Variants in SMARCA2 observed in about 807,000 individuals in gnomAD.
SMARCA2 encodes SWI/SNF-related matrix-associated actin-dependent regulator of chromatin subfamily A member 2.
Under a neutral mutation model 199.8 loss-of-function variants are expected in SMARCA2, and 61 were observed. The ratio of observed to expected loss-of-function variants is 0.31; its 90% CI spans 0.25 to 0.38. The LOEUF is 0.38. SMARCA2 is among the 10% of genes least tolerant of loss of function. The pLI, the probability that SMARCA2 is intolerant of heterozygous loss-of-function variation, is 1.00. For synonymous variants in SMARCA2, 935 were observed against 732.0 expected, an observed-to-expected ratio of 1.28 and a Z score of -4.48; for missense variants, 1,344 against 2,012.2, an observed-to-expected ratio of 0.67 and a Z score of 6.35.
intron 25 of SMARCA2, among the ~76,000 whole-genome samples, chr9:2,117,863 G>C (rs145558435): frequency 6.6e-6 from 1 of 152,320 alleles, no homozygotes; most frequent in Non-Finnish European, 1.5e-5. Flanking sequence ...AGGGGGGCTT[G>C]TGTCCTGATG....
At chr9:2,182,092 A>G in intron 30 of SMARCA2, 49 bp from the exon 31 acceptor site, 1 of 1,198,672 alleles carries the variant, frequency 8.3e-7, no homozygotes, top group Non-Finnish European at 1.2e-6. Flanking sequence ...TGATCGCTGA[A>G]TTTTCCTCTC....
rs767728769 is a variant in SMARCA2, at chr9:2,170,374, G to T, written c.4200-45G>T. 2 of 1,613,172 alleles carry T rather than the reference G, an allele frequency of 1.2e-6. No individual in the cohort carries two copies. The highest frequency in any genetic ancestry group is 1.7e-6 in the Non-Finnish European group (2 of 1,179,450). ...GGAAGAAGGAGCCGGGCGGGGACGA[G>T]AACCCAGGTCTTCTGACTCTAGTGT... On this transcript the variant is annotated intron_variant, in intron 28 of 33. Transcript: ENST00000349721. The surrounding 1 kb of genome is among the most constrained non-coding windows in gnomAD (Gnocchi z 4.7).
rs1825671731 is a variant in SMARCA2, at chr9:2,161,494, GATGC to G, written c.3982-189_3982-186del. Among the ~76,000 whole-genome samples the G allele has an allele frequency of 6.6e-6, 1 of 152,170 alleles. No homozygotes were observed. The highest frequency in any genetic ancestry group is 6.5e-5 in the Admixed American group (1 of 15,280). On this transcript the variant is annotated intron_variant, in intron 27 of 33. Transcript: ENST00000349721. The surrounding 1 kb of genome is among the most constrained non-coding windows in gnomAD (Gnocchi z 4.7). ...GCTCATGAAACAGACTTGAGTTAAA[GATGC>G]ATTTATCCAATATGGTAGCATTCCT...
At chr9:2,113,515 A>G (rs1055044595) in intron 24 of SMARCA2, among the ~76,000 whole-genome samples, 3 of 152,200 alleles carry the variant, frequency 2.0e-5, no homozygotes, top group Non-Finnish European at 4.4e-5. Context: ...CCATCCAATA[A>G]TTACAGCACT....
At chr9:2,060,409 G>T (rs10964591) in intron 8 of SMARCA2, among the ~76,000 whole-genome samples, 1 of 152,182 alleles carries the variant, frequency 6.6e-6, no homozygotes, top group African/African-American at 2.4e-5. Flanking sequence ...GGTTATAGGA[G>T]AAATTAAACT....
At chr9:2,131,073 A>C (rs749436928) in intron 27 of SMARCA2, among the ~76,000 whole-genome samples, 28 of 152,124 alleles carry the variant, frequency 1.8e-4, no homozygotes, top group Non-Finnish European at 3.5e-4. Flanking sequence ...CCTTTCCTTA[A>C]AACATTTAGT....
In SMARCA2 at chr9:2,150,823, C is replaced by A. The variant is rs190124236; in HGVS notation, c.3982-10863C>A. On this transcript the variant is annotated intron_variant, in intron 27 of 33. Coordinates refer to ENST00000349721, the MANE Select transcript of SMARCA2 (RefSeq NM_003070.5). ...GGTTTGGTTTCTTCTGAGACTTCTCCCCTTGGCTTGTAAATGGCTACCTCC... is the reference window on the plus strand; with the variant it reads ...GGTTTGGTTTCTTCTGAGACTTCTCACCTTGGCTTGTAAATGGCTACCTCC... Among the ~76,000 whole-genome samples, 5 of 151,578 alleles carry A rather than the reference C, an allele frequency of 3.3e-5. No homozygotes were observed. The East Asian group carries it at 9.6e-4, about 29-fold the overall frequency.
intron 27 of SMARCA2, among the ~76,000 whole-genome samples, chr9:2,147,465 G>C (rs1295664138): frequency 6.6e-6 from 1 of 152,186 alleles, no homozygotes; most frequent in Admixed American, 6.5e-5. Context: ...GGCTGAGATT[G>C]CCTCTTTGAG....
intron 27 of SMARCA2, among the ~76,000 whole-genome samples, chr9:2,128,887 C>T (rs1823812999): frequency 6.6e-6 from 1 of 152,172 alleles, no homozygotes; most frequent in African/African-American, 2.4e-5. Flanking sequence ...TCAGTGCTGG[C>T]ACAAACTAGC....
intron 8 of SMARCA2, 104 bp downstream of exon 8, chr9:2,058,568 T>G: frequency 3.1e-6 from 3 of 968,380 alleles, no homozygotes; most frequent in Non-Finnish European, 4.6e-6. Flanking sequence ...GAAAACTGCT[T>G]ATCAAAAATT....
intron 24 of SMARCA2, among the ~76,000 whole-genome samples, chr9:2,113,051 A>G (rs575577465): frequency 3.3e-5 from 5 of 152,346 alleles, no homozygotes; most frequent in African/African-American, 1.2e-4. Flanking sequence ...ATAGCCCCCA[A>G]AATGAAAATT....
At chr9:2,167,305 G>A (rs111711748) in intron 28 of SMARCA2, among the ~76,000 whole-genome samples, 3 of 152,324 alleles carry the variant, frequency 2.0e-5, no homozygotes, top group African/African-American at 7.2e-5. Flanking sequence ...TCAAATCTGA[G>A]CATTGTTCTC....
In SMARCA2 at chr9:2,087,079, TCTGA is replaced by T. The variant is rs758062296; in HGVS notation, c.2769+9_2769+12del. On this transcript the variant is annotated intron_variant, in intron 18 of 33. Transcript: ENST00000349721. ...GCCATGACTGGTGAAAGGGTACTGG[TCTGA>T]GTTCTGTTTTTTCCACTGCATGATA... 1 of 1,613,986 alleles carries T rather than the reference TCTGA, an allele frequency of 6.2e-7. No homozygotes were observed. The highest frequency in any genetic ancestry group is 8.5e-7 in the Non-Finnish European group (1 of 1,179,870).
intron 27 of SMARCA2, among the ~76,000 whole-genome samples, chr9:2,155,852 G>T (rs908289704): frequency 7.2e-6 from 1 of 138,576 alleles, no homozygotes; most frequent in Non-Finnish European, 1.5e-5. Flanking sequence ...CCCCTTTATG[G>T]TCAGCTTTGT....
intron 30 of SMARCA2, 151 bp downstream of exon 30, chr9:2,181,827 G>GTGTTACTTAATCA: frequency 1.6e-6 from 1 of 621,218 alleles, no homozygotes; most frequent in Admixed American, 2.9e-5. Context: ...TTTTCCGTGA[G>GTGTTACTTAATCA]TGTTACTTAA....
At chr9:2,066,220 T>C (rs1177730843) in intron 9 of SMARCA2, among the ~76,000 whole-genome samples, 1 of 152,244 alleles carries the variant, frequency 6.6e-6, no homozygotes, top group East Asian at 1.9e-4. Flanking sequence ...ACATTCAGTT[T>C]ATAATATAGA....
Position 2,169,602 on chromosome 9 carries a change from T to C in SMARCA2, c.4200-817T>C, listed in dbSNP as rs1048630814. ...CTCTAGAGCAGAATGGGGCAGTGAC[T>C]CCGAGAAGGGATTTATACATGGACA... On this transcript the variant is annotated intron_variant, in intron 28 of 33. Transcript: ENST00000349721. This position sits in a 1 kb window ranked among gnomAD's most constrained non-coding sequence, Gnocchi z 6.5. Among the ~76,000 whole-genome samples, 1 of 152,066 alleles carries C rather than the reference T, an allele frequency of 6.6e-6. No homozygotes were observed. Among genetic ancestry groups the C allele is most frequent in the Non-Finnish European group, 1.5e-5 (1 of 68,020 alleles).
At chr9:2,127,308 C>T (rs1823736672) in intron 27 of SMARCA2, among the ~76,000 whole-genome samples, 2 of 152,046 alleles carry the variant, frequency 1.3e-5, no homozygotes, top group South Asian at 2.1e-4. Context: ...CCATCAGTTG[C>T]CAAATTAAAG....
rs1020857829 is a variant in SMARCA2 at position 2,170,319 on chromosome 9, G to C, written c.4200-100G>C. The C allele has an allele frequency of 6.7e-6, 10 of 1,493,108 alleles. No individual in the cohort carries two copies. The highest frequency in any genetic ancestry group is 1.8e-5 in the Admixed American group (1 of 54,416). 92.5% of individuals were successfully genotyped at this position (1,493,108 alleles called of 1,614,324 possible). A position where few individuals can be genotyped will look rare whatever the true frequency, so the allele number is the denominator to read the frequency against. On this transcript the variant is annotated intron_variant, in intron 28 of 33. Coordinates refer to ENST00000349721, the MANE Select transcript of SMARCA2 (RefSeq NM_003070.5). The surrounding 1 kb of genome is among the most constrained non-coding windows in gnomAD (Gnocchi z 4.7). Reference sequence around the variant, plus strand: ...TCCTAACAAGGCAGGTTGGTGAGGAGACTGAGGCTTGGCCAGGTCACCCAG... The same window carrying C: ...TCCTAACAAGGCAGGTTGGTGAGGACACTGAGGCTTGGCCAGGTCACCCAG...
Sources: allele counts gnomAD v4.1 joint callset (sites outside exome capture counted in the v4.1 genomes callset), GRCh38; gene constraint gnomAD v4.1.1; non-coding constraint Gnocchi (gnomAD v3.1); transcripts MANE v1.5; gene names NCBI Gene and HGNC (gene_info 2026-07-23, HGNC 2026-07-21).